SBF2: variants seen among roughly 807,000 people sequenced by gnomAD.
SBF2 encodes SET binding factor 2.
In SBF2, 112 loss-of-function variants were observed where a neutral mutation model predicts 225.2. The observed-to-expected ratio is 0.50, with a 90% CI of 0.43 to 0.58. The LOEUF (loss-of-function observed/expected upper bound fraction) is 0.58. Among genes scored for constraint, SBF2 ranks in the 20% least tolerant of loss-of-function variants. SBF2 has a pLI of 0.00. For missense variants in SBF2, 1,996 were observed against 2,206.2 expected (o/e 0.90, Z 1.91); for synonymous variants, 763 against 773.3 (o/e 0.99, Z 0.22).
intron 1 of SBF2, among the ~76,000 whole-genome samples, chr11:10,222,763 T>C (rs1043657501): frequency 6.6e-5 from 10 of 152,154 alleles, no homozygotes; most frequent in Non-Finnish European, 1.3e-4. Context: ...CCCATTTATA[T>C]TGGAGGTTGC....
intron 13 of SBF2, 112 bp from the exon 14 acceptor site, chr11:9,968,657 C>T: frequency 1.2e-6 from 1 of 838,354 alleles, no homozygotes. Context: ...TACATACATT[C>T]ATATATACGC....
intron 2 of SBF2, among the ~76,000 whole-genome samples, chr11:10,108,972 G>C (rs1194886034): frequency 6.6e-6 from 1 of 152,162 alleles, no homozygotes; most frequent in East Asian, 1.9e-4. Flanking sequence ...CAGACTAAAG[G>C]AGGAGGAAAA....
chr11:9,784,864 C>T (rs949097819), intron 37 of SBF2: 6 of 543,148 alleles, frequency 1.1e-5, no homozygotes, highest in African/African-American at 3.8e-5. Context: ...CATGTTCCCT[C>T]AAACGTTCTG....
intron 1 of SBF2, among the ~76,000 whole-genome samples, chr11:10,304,064 T>C (rs1964625368): frequency 6.6e-6 from 1 of 152,128 alleles, no homozygotes; most frequent in Non-Finnish European, 1.5e-5. Flanking sequence ...CAGGGTGACT[T>C]CCCCTCTCTG....
intron 2 of SBF2, among the ~76,000 whole-genome samples, chr11:10,174,735 G>A (rs1039575013): frequency 6.6e-6 from 1 of 152,054 alleles, no homozygotes; most frequent in African/African-American, 2.4e-5. Flanking sequence ...TGAAATGAAG[G>A]AAAAAATGTG....
At chr11:10,204,214 G>A (rs1194558035) in intron 1 of SBF2, among the ~76,000 whole-genome samples, 7 of 145,184 alleles carry the variant, frequency 4.8e-5, no homozygotes, top group Middle Eastern at 7.1e-3. Context: ...GAAGACAGTG[G>A]AGCTACATCT....
At chr11:9,984,140 C>A (rs754647252) in intron 13 of SBF2, among the ~76,000 whole-genome samples, 25 of 152,020 alleles carry the variant, frequency 1.6e-4, no homozygotes, top group Admixed American at 3.3e-4. Flanking sequence ...AGGGAGGGAG[C>A]AGAGAAAGGC....
At chr11:10,282,417 G>A (rs1365033863) in intron 1 of SBF2, among the ~76,000 whole-genome samples, 2 of 152,046 alleles carry the variant, frequency 1.3e-5, no homozygotes, top group Non-Finnish European at 2.9e-5. Flanking sequence ...CAATTGCCAA[G>A]TTAAATCTCA....
chr11:9,783,297 C>T (rs1207124307), intron 38 of SBF2, among the ~76,000 whole-genome samples: 21 of 152,192 alleles, frequency 1.4e-4, no homozygotes, highest in Non-Finnish European at 1.5e-5. Context: ...CCCACAAAGA[C>T]TCTGTAATCG....
At chr11:10,119,823 C>T (rs1480109592) in intron 2 of SBF2, among the ~76,000 whole-genome samples, 4 of 152,116 alleles carry the variant, frequency 2.6e-5, no homozygotes, top group African/African-American at 9.7e-5. Context: ...CAACTCTGTG[C>T]TGTGGAATCA....
At chr11:10,045,585 T>C (rs1271348363) in intron 2 of SBF2, among the ~76,000 whole-genome samples, 1 of 152,246 alleles carries the variant, frequency 6.6e-6, no homozygotes, top group Non-Finnish European at 1.5e-5. Flanking sequence ...GTGACCATTG[T>C]TTGTGTCCAC....
At chr11:10,067,389 G>A (rs1950666534) in intron 2 of SBF2, among the ~76,000 whole-genome samples, 1 of 152,072 alleles carries the variant, frequency 6.6e-6, no homozygotes, top group Non-Finnish European at 1.5e-5. Context: ...GGGGGAGGGG[G>A]AAAGTGAGGA....
chr11:10,161,812 AAAATAAT>A (rs1420703271), intron 2 of SBF2, among the ~76,000 whole-genome samples: 1 of 151,774 alleles, frequency 6.6e-6, no homozygotes, highest in Non-Finnish European at 1.5e-5. Flanking sequence ...ACAAAAAAAA[AAAATAAT>A]AATTAAAAAA....
At chr11:10,229,982 T>C (rs1235655752) in intron 1 of SBF2, among the ~76,000 whole-genome samples, 1 of 152,190 alleles carries the variant, frequency 6.6e-6, no homozygotes, top group Non-Finnish European at 1.5e-5. Flanking sequence ...ACTTGCTTTA[T>C]GAATCTGGGT....
chr11:10,162,594 A>T (rs1165968317), intron 2 of SBF2, among the ~76,000 whole-genome samples: 2 of 152,164 alleles, frequency 1.3e-5, no homozygotes, highest in African/African-American at 2.4e-5. Flanking sequence ...TCTTTTAAAA[A>T]TTTTTAATAA....
At chr11:9,813,856 C>T (rs1854321265) in intron 29 of SBF2, among the ~76,000 whole-genome samples, 1 of 151,916 alleles carries the variant, frequency 6.6e-6, no homozygotes, top group Admixed American at 6.6e-5. Flanking sequence ...GCAGGAGAAT[C>T]ACTTGAACCC....
At chr11:9,785,588 G>A (rs947541881) in intron 36 of SBF2, among the ~76,000 whole-genome samples, 134 of 152,296 alleles carry the variant, frequency 8.8e-4, no homozygotes, top group African/African-American at 3.0e-3. Flanking sequence ...ATGACCAGGC[G>A]TGGTGGCTCA....
intron 17 of SBF2, among the ~76,000 whole-genome samples, chr11:9,873,371 T>C (rs988067928): frequency 3.9e-5 from 6 of 152,176 alleles, no homozygotes; most frequent in Non-Finnish European, 7.3e-5. Context: ...AGATATGTTA[T>C]GGAAACAAAG....
chr11:9,787,107 G>C (rs1852424426), intron 36 of SBF2, among the ~76,000 whole-genome samples: 1 of 152,140 alleles, frequency 6.6e-6, no homozygotes, highest in South Asian at 2.1e-4. Flanking sequence ...TGTTGGCCAG[G>C]ATGGTCTCGA....
Sources: allele counts gnomAD v4.1 joint callset (sites outside exome capture counted in the v4.1 genomes callset), GRCh38; gene constraint gnomAD v4.1.1; transcripts MANE v1.5; gene names NCBI Gene and HGNC (gene_info 2026-07-23, HGNC 2026-07-21).